Variants in RBPJ observed in about 807,000 individuals in gnomAD.
The protein encoded by RBPJ is recombination signal binding protein for immunoglobulin kappa J region, also known as recombining binding protein suppressor of hairless.
In RBPJ, 9 loss-of-function variants were observed where a neutral mutation model predicts 67.8. The ratio of observed to expected loss-of-function variants is 0.13; its 90% CI spans 0.08 to 0.23. The LOEUF (loss-of-function observed/expected upper bound fraction) is 0.23. Among genes scored for constraint, RBPJ ranks in the 10% least tolerant of loss-of-function variants. RBPJ has a pLI of 1.00. For synonymous variants in RBPJ, 198 were observed against 203.3 expected (o/e 0.97, Z 0.22); for missense variants, 305 against 595.6 (o/e 0.51, Z 5.08).
intron 2 of RBPJ, among the ~76,000 whole-genome samples, chr4:26,392,059 C>T (rs13115260): frequency 0.5 from 75,721 of 151,982 alleles, 20,066 homozygotes; most frequent in Admixed American, 0.62. Flanking sequence ...CTCATCACCT[C>T]CCAGATGCCC....
intron 1 of RBPJ, among the ~76,000 whole-genome samples, chr4:26,250,977 A>G (rs183799310): frequency 2.8e-4 from 42 of 152,316 alleles, no homozygotes; most frequent in African/African-American, 8.9e-4. Context: ...CGCATTTCTT[A>G]AAGTGGAGTT....
intron 1 of RBPJ, among the ~76,000 whole-genome samples, chr4:26,239,311 T>C (rs1486288297): frequency 6.6e-6 from 1 of 152,226 alleles, no homozygotes; most frequent in African/African-American, 2.4e-5. Context: ...TAAGGAACAA[T>C]CTGAGATTTC....
chr4:26,170,772 C>G (rs537423954), intron 1 of RBPJ, among the ~76,000 whole-genome samples: 193 of 152,244 alleles, frequency 1.3e-3, no homozygotes, highest in Non-Finnish European at 2.4e-3. Flanking sequence ...CATATTTAAG[C>G]AATAGGCAGC....
At chr4:26,132,579 G>A in the RBPJ span, among the ~76,000 whole-genome samples, 55 of 152,194 alleles carry the variant, frequency 3.6e-4, no homozygotes, top group African/African-American at 6.0e-4. Context: ...CTGCCCTCCC[G>A]CTGCACTGTA....
chr4:26,188,663 A>G (rs1372703735), intron 1 of RBPJ, among the ~76,000 whole-genome samples: 2 of 152,220 alleles, frequency 1.3e-5, no homozygotes, highest in Non-Finnish European at 1.5e-5. Flanking sequence ...CTGATGAAAA[A>G]TGTTTCATCA....
chr4:26,352,067 G>T (rs1338062252), intron 1 of RBPJ, among the ~76,000 whole-genome samples: 1 of 152,154 alleles, frequency 6.6e-6, no homozygotes, highest in Non-Finnish European at 1.5e-5. Context: ...TAGCATTAAT[G>T]TATACTCCTG....
Position 26,295,245 on chromosome 4 carries a change from AGTGTGTGTGTGTGT to A in RBPJ, c.-166-67189_-166-67176del, listed in dbSNP as rs71932374. Among the ~76,000 whole-genome samples, 4 of 147,122 alleles carry A rather than the reference AGTGTGTGTGTGTGT, an allele frequency of 2.7e-5. No individual in the cohort carries two copies. The Admixed American group carries it at 2.7e-4, about 10-fold the overall frequency. ...GTTGTCCAGGAAGAAAGGGTGCATCAGTGTGTGTGTGTGTGTGTGTGTGTGGGTGTGTGTGTGTG... is the reference window on the plus strand; with the variant it reads ...GTTGTCCAGGAAGAAAGGGTGCATCAGTGTGTGTGTGGGTGTGTGTGTGTG... On this transcript the variant is annotated intron_variant, in intron 1 of 4. Transcript: ENST00000512351.
At chr4:26,364,143 T>C (rs946889869) in intron 1 of RBPJ, among the ~76,000 whole-genome samples, 1 of 152,216 alleles carries the variant, frequency 6.6e-6, no homozygotes, top group African/African-American at 2.4e-5. Context: ...ATAAGTGTAA[T>C]AGAAATACAC....
intron 1 of RBPJ, among the ~76,000 whole-genome samples, chr4:26,282,287 A>T (rs796976015): frequency 2.6e-5 from 4 of 152,138 alleles, no homozygotes; most frequent in African/African-American, 9.6e-5. Context: ...TTTTTCTGGG[A>T]TAAAGTGCCA....
chr4:26,116,789 G>T, the RBPJ span, among the ~76,000 whole-genome samples: 1 of 152,334 alleles, frequency 6.6e-6, no homozygotes, highest in East Asian at 1.9e-4. Flanking sequence ...TGGCACCAAA[G>T]CTACTCCACC....
At chr4:26,303,760 A>G (rs1722151948) in intron 1 of RBPJ, among the ~76,000 whole-genome samples, 1 of 152,218 alleles carries the variant, frequency 6.6e-6, no homozygotes, top group Admixed American at 6.5e-5. Context: ...CCTGGGCAAC[A>G]TACTGAGACC....
chr4:26,406,186 G>A lies in RBPJ; in HGVS notation c.71G>A (p.Arg24Gln), dbSNP rs141690523. ...GTATTTGTTTTTAGGGAAGCTATGC[G>A]AAATTATTTAAAAGAGCGAGGGGAT... is the stretch of plus-strand genomic sequence containing the variant. ...PPKRLTREAM[R>Q]NYLKERGDQT... The change falls in exon 3 of 11, where the codon CGA (arginine) becomes CAA (glutamine). Residue 24 changes from arginine (R) to glutamine (Q), a missense_variant. Transcript: ENST00000355476. The A allele has an allele frequency of 6.8e-6, 11 of 1,609,382 alleles. No individual in the cohort carries two copies. The highest frequency in any genetic ancestry group is 6.7e-5 in the East Asian group (3 of 44,798).
chr4:26,287,079 A>G (rs1171626555), intron 1 of RBPJ, among the ~76,000 whole-genome samples: 1 of 152,082 alleles, frequency 6.6e-6, no homozygotes, highest in African/African-American at 2.4e-5. Flanking sequence ...GAGCCGCCGC[A>G]CCTGGCCTAA....
intron 3 of RBPJ, among the ~76,000 whole-genome samples, chr4:26,414,672 A>G (rs930438796): frequency 1.1e-4 from 17 of 152,216 alleles, no homozygotes; most frequent in African/African-American, 4.1e-4. Context: ...GTAAAATATG[A>G]GCCTTGAGCT....
At chr4:26,236,727 A>G (rs753315109) in intron 1 of RBPJ, among the ~76,000 whole-genome samples, 7 of 152,242 alleles carry the variant, frequency 4.6e-5, no homozygotes, top group Non-Finnish European at 8.8e-5. Flanking sequence ...CCCTAACTCA[A>G]TGTGGATGGG....
intron 1 of RBPJ, among the ~76,000 whole-genome samples, chr4:26,181,733 A>G (rs73112562): frequency 0.047 from 7,193 of 152,276 alleles, 587 homozygotes; most frequent in African/African-American, 0.17. Flanking sequence ...TTGGAACACA[A>G]TGGGAAGCAT....
At chr4:26,387,918 C>T (rs1459323802) in intron 2 of RBPJ, among the ~76,000 whole-genome samples, 3 of 152,142 alleles carry the variant, frequency 2.0e-5, no homozygotes, top group African/African-American at 7.2e-5. Context: ...GCATGATGCT[C>T]TGTTTTCACT....
chr4:26,214,444 GAAAGAA>G (rs898560653), intron 1 of RBPJ, among the ~76,000 whole-genome samples: 2 of 129,726 alleles, frequency 1.5e-5, no homozygotes, highest in African/African-American at 5.8e-5. Flanking sequence ...GAGAGAAAGA[GAAAGAA>G]AAAGAAAGAA....
intron 1 of RBPJ, among the ~76,000 whole-genome samples, chr4:26,175,518 A>G (rs1716766009): frequency 6.6e-6 from 1 of 152,212 alleles, no homozygotes; most frequent in Admixed American, 6.5e-5. Context: ...TGGGGCACCC[A>G]GTTACGTTTA....
Sources: allele counts gnomAD v4.1 joint callset (sites outside exome capture counted in the v4.1 genomes callset), GRCh38; gene constraint gnomAD v4.1.1; transcripts MANE v1.5; gene names NCBI Gene and HGNC (gene_info 2026-07-23, HGNC 2026-07-21).